The following MCTP1 variants were observed in gnomAD, a reference collection of about 807,000 sequenced individuals.
MCTP1 encodes multiple C2 and transmembrane domain containing 1.
Under a neutral mutation model 120.6 loss-of-function variants are expected in MCTP1, and 69 were observed. The ratio of observed to expected loss-of-function variants is 0.57; its 90% CI spans 0.47 to 0.70. The LOEUF is 0.70. Among genes scored for constraint, MCTP1 ranks in the 30% least tolerant of loss-of-function variants. The probability of loss-of-function intolerance (pLI) is 0.00; values close to 1 mark genes in which losing one functional copy is unlikely to be tolerated. For missense variants in MCTP1, 1,203 were observed against 1,248.8 expected (o/e 0.96, Z 0.55); for synonymous variants, 529 against 493.1 (o/e 1.07, Z -0.96).
In MCTP1 at chr5:94,953,961, T is replaced by C. The variant is rs1337517364; in HGVS notation, c.839-600A>G. 1.5e-4 allele frequency among the ~76,000 whole-genome samples: 14 copies of C among 93,966 alleles called. 3 individuals are homozygous for C. The highest frequency in any genetic ancestry group is 4.4e-4 in the African/African-American group (10 of 22,782). 61.6% of individuals were successfully genotyped at this position (93,966 alleles called of 152,430 possible). ...ATATACAAATATATATGCATATATA[T>C]ACAAATATATATATGCATATATATA... On this transcript the variant is annotated intron_variant, in intron 2 of 22. Transcript: ENST00000515393.
intron 1 of MCTP1, among the ~76,000 whole-genome samples, chr5:95,199,926 C>T (rs1277632033): frequency 1.3e-5 from 2 of 149,290 alleles, no homozygotes; most frequent in African/African-American, 2.5e-5. Flanking sequence ...TCTGGGAGGC[C>T]GAGGCAGGCG....
intron 1 of MCTP1, among the ~76,000 whole-genome samples, chr5:95,261,079 A>G (rs1016736399): frequency 1.3e-5 from 2 of 152,234 alleles, no homozygotes; most frequent in African/African-American, 4.8e-5. Flanking sequence ...GGTAGATTCT[A>G]TTCCTCTAGA....
Position 94,775,920 on chromosome 5 carries a change from A to C in MCTP1, c.2610+3190T>G, listed in dbSNP as rs1175200592. 3.4e-5 allele frequency among the ~76,000 whole-genome samples: 5 copies of C among 147,742 alleles called. 1 individual carries two copies. The Admixed American group carries it at 3.4e-4, about 10-fold the overall frequency. ...TTTGAATAAAAAACAACTAATATAT[A>C]TATCATATAAATATATTAATATATA... On this transcript the variant is annotated intron_variant, in intron 19 of 22. Coordinates refer to ENST00000515393, the MANE Select transcript of MCTP1 (RefSeq NM_024717.7).
At chr5:94,772,875 T>C (rs909892603) in intron 19 of MCTP1, among the ~76,000 whole-genome samples, 1 of 152,154 alleles carries the variant, frequency 6.6e-6, no homozygotes. Context: ...AAAAGTTGAG[T>C]GGTAGGTCTG....
intron 1 of MCTP1, among the ~76,000 whole-genome samples, chr5:95,122,786 T>G (rs755523348): frequency 1.3e-5 from 2 of 152,218 alleles, no homozygotes; most frequent in Non-Finnish European, 2.9e-5. Flanking sequence ...GAAAATGTGA[T>G]ACATATACAC....
intron 17 of MCTP1, among the ~76,000 whole-genome samples, chr5:94,857,444 A>G (rs1275967190): frequency 1.3e-5 from 2 of 151,734 alleles, no homozygotes. Flanking sequence ...CCCAAGTCTT[A>G]TTAAATATGC....
chr5:95,154,734 A>G (rs909626994), intron 1 of MCTP1, among the ~76,000 whole-genome samples: 1 of 152,176 alleles, frequency 6.6e-6, no homozygotes, highest in African/African-American at 2.4e-5. Context: ...GAAGAAAGCC[A>G]ATAAAACTAG....
intron 1 of MCTP1, among the ~76,000 whole-genome samples, chr5:95,022,338 C>G (rs921782191): frequency 6.6e-6 from 1 of 152,184 alleles, no homozygotes; most frequent in African/African-American, 2.4e-5. Flanking sequence ...AGAACTTACA[C>G]TTTAAAAACT....
intron 1 of MCTP1, among the ~76,000 whole-genome samples, chr5:95,281,812 A>T (rs1288087601): frequency 6.6e-6 from 1 of 152,222 alleles, no homozygotes; most frequent in African/African-American, 2.4e-5. Flanking sequence ...CATAGAATTG[A>T]TTGTATATAG....
chr5:94,987,524 A>G (rs910940242), intron 2 of MCTP1, among the ~76,000 whole-genome samples: 1 of 152,216 alleles, frequency 6.6e-6, no homozygotes, highest in African/African-American at 2.4e-5. Flanking sequence ...GGGAAAGTCA[A>G]TATTTACGGA....
At chr5:94,867,592 A>G (rs1166468672) in intron 17 of MCTP1, 2 of 419,514 alleles carry the variant, frequency 4.8e-6, no homozygotes, top group Admixed American at 4.1e-5. Context: ...TTTCAAAAGA[A>G]TGACTCTACT....
chr5:95,194,127 G>A (rs1159942174), intron 1 of MCTP1, among the ~76,000 whole-genome samples: 1 of 152,062 alleles, frequency 6.6e-6, no homozygotes, highest in Non-Finnish European at 1.5e-5. Flanking sequence ...GAGGCAGGAG[G>A]ATAGCTTGAG....
chr5:94,969,509 C>T (rs751927202), intron 2 of MCTP1, among the ~76,000 whole-genome samples: 6 of 152,090 alleles, frequency 3.9e-5, no homozygotes, highest in Non-Finnish European at 8.8e-5. Flanking sequence ...CAGCTACTCA[C>T]GTTTTGGGAA....
intron 17 of MCTP1, among the ~76,000 whole-genome samples, chr5:94,829,689 G>T (rs1435946565): frequency 1.3e-5 from 2 of 152,122 alleles, no homozygotes; most frequent in Non-Finnish European, 2.9e-5. Context: ...GGAAGAAAGG[G>T]AGCATGTAAA....
At chr5:94,914,242 T>A (rs371699445) in intron 8 of MCTP1, among the ~76,000 whole-genome samples, 2 of 152,222 alleles carry the variant, frequency 1.3e-5, no homozygotes, top group East Asian at 3.8e-4. Flanking sequence ...CATAAAGAAA[T>A]TCAACATTCC....
At position 94,891,839 on chromosome 5, in the gene MCTP1, C is replaced by T. The variant is rs115848226; in HGVS notation, c.1839+2810G>A. ...CAAGAGGTATTCATCAAGAGGTATT[C>T]CTGCCTTGCTATTTACGGTTATTTT... is the stretch of plus-strand genomic sequence containing the variant. On this transcript the variant is annotated intron_variant, in intron 11 of 22. Coordinates refer to ENST00000515393, the MANE Select transcript of MCTP1 (RefSeq NM_024717.7). Among the ~76,000 whole-genome samples the T allele has an allele frequency of 4.0e-3, 616 of 152,156 alleles. 8 individuals carry two copies. The highest frequency in any genetic ancestry group is 0.014 in the African/African-American group (580 of 41,520).
intron 1 of MCTP1, among the ~76,000 whole-genome samples, chr5:95,200,273 T>G (rs111694951): frequency 0.012 from 1,841 of 152,196 alleles, 32 homozygotes; most frequent in African/African-American, 0.041. Flanking sequence ...GCAGCCATTA[T>G]GAAAACCAGT....
intron 1 of MCTP1, chr5:95,166,038 C>G (rs966020298): frequency 5.8e-4 from 88 of 152,268 alleles, no homozygotes; most frequent in African/African-American, 2.0e-3. Flanking sequence ...GATATTAAAT[C>G]TGTGGCCATT....
intron 19 of MCTP1, among the ~76,000 whole-genome samples, chr5:94,733,434 G>A (rs1763515097): frequency 6.6e-6 from 1 of 152,188 alleles, no homozygotes; most frequent in Non-Finnish European, 1.5e-5. Flanking sequence ...GTCATAAAGT[G>A]GGTCTGTGTG....
Sources: allele counts gnomAD v4.1 joint callset (sites outside exome capture counted in the v4.1 genomes callset), GRCh38; gene constraint gnomAD v4.1.1; transcripts MANE v1.5; gene names NCBI Gene and HGNC (gene_info 2026-07-23, HGNC 2026-07-21).